The following CDH18 variants were observed in gnomAD, a reference collection of about 807,000 sequenced individuals.
CDH18 encodes the protein cadherin 18, also known as cadherin-18.
Under a neutral mutation model 67.9 loss-of-function variants are expected in CDH18, and 31 were observed. That is an observed-to-expected ratio of 0.46 (90% CI 0.34 to 0.62). The LOEUF is 0.62. Among genes scored for constraint, CDH18 ranks in the 20% least tolerant of loss-of-function variants. The probability of loss-of-function intolerance (pLI) is 0.01; values close to 1 mark genes in which losing one functional copy is unlikely to be tolerated. For synonymous variants in CDH18, 362 were observed against 347.2 expected (o/e 1.04, Z -0.48); for missense variants, 890 against 975.5 (o/e 0.91, Z 1.17).
chr5:19,544,501 T>C (rs141960639), intron 8 of CDH18, among the ~76,000 whole-genome samples: 191 of 152,182 alleles, frequency 1.3e-3, no homozygotes, highest in African/African-American at 4.1e-3. Context: ...TGTACCTCCA[T>C]CACAGTTCAA....
At chr5:20,522,888 T>C (rs1755830741) in intron 1 of CDH18, among the ~76,000 whole-genome samples, 1 of 152,202 alleles carries the variant, frequency 6.6e-6, no homozygotes, top group Non-Finnish European at 1.5e-5. Flanking sequence ...CTCACAGCCA[T>C]ATCAATTATT....
chr5:19,632,245 A>G (rs1752523456), intron 5 of CDH18, among the ~76,000 whole-genome samples: 1 of 152,192 alleles, frequency 6.6e-6, no homozygotes, highest in Admixed American at 6.5e-5. Context: ...ACAATTCCTG[A>G]ACCGTTCTCT....
intron 3 of CDH18, among the ~76,000 whole-genome samples, chr5:19,764,646 TATAC>T (rs1772834852): frequency 1.6e-5 from 2 of 127,300 alleles, no homozygotes; most frequent in African/African-American, 5.3e-5. Flanking sequence ...TATATATATA[TATAC>T]ACACACACAT....
At chr5:20,201,759 G>T (rs181813892) in intron 2 of CDH18, among the ~76,000 whole-genome samples, 4 of 152,208 alleles carry the variant, frequency 2.6e-5, no homozygotes, top group Admixed American at 6.5e-5. Context: ...CAGTATATTT[G>T]CTATTATTTC....
intron 2 of CDH18, among the ~76,000 whole-genome samples, chr5:20,186,134 A>G (rs1738083270): frequency 6.6e-6 from 1 of 152,056 alleles, no homozygotes; most frequent in African/African-American, 2.4e-5. Context: ...ACCTTAAAGC[A>G]TAAACAAAAT....
chr5:19,742,491 T>C (rs1769346750), intron 4 of CDH18, among the ~76,000 whole-genome samples: 1 of 152,038 alleles, frequency 6.6e-6, no homozygotes, highest in Admixed American at 6.6e-5. Flanking sequence ...CAAATGTCCA[T>C]TTATTTTACC....
intron 10 of CDH18, among the ~76,000 whole-genome samples, chr5:19,516,674 T>A (rs1379796349): frequency 6.6e-6 from 1 of 152,202 alleles, no homozygotes; most frequent in Non-Finnish European, 1.5e-5. Flanking sequence ...AGTTTGTATT[T>A]CTGTGGGATC....
At chr5:19,610,345 A>G (rs1250328211) in intron 6 of CDH18, among the ~76,000 whole-genome samples, 1 of 151,930 alleles carries the variant, frequency 6.6e-6, no homozygotes, top group Non-Finnish European at 1.5e-5. Context: ...TCAACATAAT[A>G]AAATTAGGAA....
intron 1 of CDH18, among the ~76,000 whole-genome samples, chr5:20,402,683 G>A (rs1745871027): frequency 6.6e-6 from 1 of 152,116 alleles, no homozygotes; most frequent in South Asian, 2.1e-4. Flanking sequence ...CCTTCAGCAA[G>A]TAACAATCTT....
At chr5:19,606,174 A>G (rs1416902577) in intron 6 of CDH18, among the ~76,000 whole-genome samples, 1 of 151,660 alleles carries the variant, frequency 6.6e-6, no homozygotes, top group African/African-American at 2.4e-5. Context: ...AACAGAATCC[A>G]ACTGATTTAA....
intron 3 of CDH18, among the ~76,000 whole-genome samples, chr5:19,811,106 G>GAA (rs1561350646): frequency 5.7e-5 from 4 of 69,828 alleles, no homozygotes; most frequent in African/African-American, 2.5e-4. Context: ...AAGAAAGAAA[G>GAA]AAAGAAAGAA....
intron 2 of CDH18, among the ~76,000 whole-genome samples, chr5:19,864,200 A>C (rs1438579823): frequency 6.6e-6 from 1 of 150,754 alleles, no homozygotes; most frequent in African/African-American, 2.4e-5. Flanking sequence ...ATGCAGCCAT[A>C]AAAAATGATG....
chr5:20,536,766 A>G (rs1756750126), intron 1 of CDH18, among the ~76,000 whole-genome samples: 1 of 152,164 alleles, frequency 6.6e-6, no homozygotes, highest in South Asian at 2.1e-4. Context: ...CAGAAAACCC[A>G]AGGAGGAGGC....
chr5:20,369,276 G>C (rs1405761144), intron 1 of CDH18, among the ~76,000 whole-genome samples: 2 of 151,048 alleles, frequency 1.3e-5, no homozygotes, highest in African/African-American at 2.4e-5. Flanking sequence ...CAGGAAATAA[G>C]AAAAAAAAGA....
At chr5:19,912,367 A>T (rs2150141606) in intron 2 of CDH18, among the ~76,000 whole-genome samples, 1 of 152,226 alleles carries the variant, frequency 6.6e-6, no homozygotes, top group Middle Eastern at 3.4e-3. Flanking sequence ...ATTGAAGAGC[A>T]TCCATGGATT....
chr5:19,961,147 G>A (rs1274894526), intron 2 of CDH18, among the ~76,000 whole-genome samples: 1 of 145,858 alleles, frequency 6.9e-6, no homozygotes, highest in Non-Finnish European at 1.5e-5. Flanking sequence ...CTGTCGCCCA[G>A]GCTGGAGTGC....
chr5:20,415,616 A>T (rs140965293), intron 1 of CDH18, among the ~76,000 whole-genome samples: 2,593 of 150,386 alleles, frequency 0.017, 77 homozygotes, highest in African/African-American at 0.059. Context: ...TACTAAAAAT[A>T]CAAAAAATTA....
chr5:19,585,849 C>A (rs1281476065), intron 7 of CDH18, among the ~76,000 whole-genome samples: 1 of 152,144 alleles, frequency 6.6e-6, no homozygotes, highest in Non-Finnish European at 1.5e-5. Context: ...CAATTAGTTT[C>A]TCTCTCCATT....
intron 2 of CDH18, among the ~76,000 whole-genome samples, chr5:20,160,807 C>T (rs369323725): frequency 6.6e-6 from 1 of 152,102 alleles, no homozygotes; most frequent in Admixed American, 6.6e-5. Context: ...AAATTGTAGT[C>T]GATAACAGAG....
Sources: gnomAD v4.1 joint callset for allele counts (sites outside exome capture counted in the v4.1 genomes callset) on GRCh38, gnomAD v4.1.1 for gene constraint, MANE v1.5 for transcripts, NCBI Gene and HGNC (gene_info 2026-07-23, HGNC 2026-07-21) for gene names.